Variants in TOR1AIP2 observed in about 807,000 individuals in gnomAD.
The protein encoded by TOR1AIP2 is torsin 1A interacting protein 2, also known as torsin-1A-interacting protein 2.
In TOR1AIP2, 20 loss-of-function variants were observed where a neutral mutation model predicts 32.6. The observed-to-expected ratio is 0.61, with a 90% CI of 0.43 to 0.89. TOR1AIP2 has a LOEUF of 0.89. TOR1AIP2 is among the 40% of genes least tolerant of loss of function. The probability of loss-of-function intolerance (pLI) is 0.00; values close to 1 mark genes in which losing one functional copy is unlikely to be tolerated. For synonymous variants in TOR1AIP2, 214 were observed against 210.8 expected (o/e 1.02, Z -0.13); for missense variants, 456 against 553.8 (o/e 0.82, Z 1.77).
intron 3 of TOR1AIP2, chr1:179,862,171 T>C (rs1005737213): frequency 8.1e-6 from 8 of 984,436 alleles, no homozygotes; most frequent in Non-Finnish European, 9.6e-6. Context: ...ATCTTACTAT[T>C]TAATGGAGAT....
In TOR1AIP2 at chr1:179,846,744, G is replaced by A; in HGVS notation, c.740C>T (p.Pro247Leu). ...SYYSSPAQQV[P>L]KNPALEAFLA... ...AAAGGCCTCCAAAGCTGGATTTTTG[G>A]GCACTTGCTGGGCTGGAGAGGAATA... Residue 247 changes from proline to leucine, a missense_variant, in exon 7 of 7, where the codon CCC becomes CTC. Physicochemically the swap from Pro to Leu is moderately conservative, Grantham distance 98 (BLOSUM62 -3). Transcript: ENST00000609928. 6.2e-7 allele frequency: 1 copy of A among 1,613,848 alleles called. No homozygotes were observed. Among genetic ancestry groups the A allele is most frequent in the Non-Finnish European group, 8.5e-7 (1 of 1,180,020 alleles).
At chr1:179,857,880 T>C (rs914607079) in intron 3 of TOR1AIP2, among the ~76,000 whole-genome samples, 9 of 152,282 alleles carry the variant, frequency 5.9e-5, no homozygotes, top group South Asian at 2.1e-4. Flanking sequence ...GATCACTTTA[T>C]GTATTAACTC....
intron 3 of TOR1AIP2, chr1:179,864,753 G>C: frequency 8.4e-6 from 13 of 1,550,464 alleles, no homozygotes; most frequent in Non-Finnish European, 1.1e-5. Flanking sequence ...AAAGCCTCTA[G>C]ACTTGACAAT....
intron 6 of TOR1AIP2, among the ~76,000 whole-genome samples, chr1:179,847,303 C>T (rs1387776256): frequency 6.6e-6 from 1 of 152,094 alleles, no homozygotes; most frequent in Non-Finnish European, 1.5e-5. Context: ...AAAGCCTTTC[C>T]TATTGTGAGA....
At chr1:179,858,189 A>G (rs1028189978) in intron 3 of TOR1AIP2, among the ~76,000 whole-genome samples, 16 of 152,150 alleles carry the variant, frequency 1.1e-4, no homozygotes, top group Non-Finnish European at 1.9e-4. Flanking sequence ...ATACATATAT[A>G]TGTTTGTGTA....
intron 2 of TOR1AIP2, chr1:179,874,996 CTT>C (rs1327584618): frequency 5.8e-5 from 9 of 154,696 alleles, no homozygotes; most frequent in Non-Finnish European, 1.1e-4. Flanking sequence ...CCTTGGTTTT[CTT>C]TGTTTTTTGT....
intron 3 of TOR1AIP2, among the ~76,000 whole-genome samples, chr1:179,858,859 G>T (rs1696406481): frequency 6.6e-6 from 1 of 152,266 alleles, no homozygotes; most frequent in East Asian, 1.9e-4. Flanking sequence ...GGTGACCTGG[G>T]GAAAACCTGG....
intron 3 of TOR1AIP2, chr1:179,864,670 T>C (rs1316555347): frequency 6.7e-7 from 1 of 1,490,684 alleles, no homozygotes; most frequent in Non-Finnish European, 8.9e-7. Context: ...TTTAAGCAGT[T>C]CCCAAAGTAG....
chr1:179,858,459 T>C (rs1272064777), intron 3 of TOR1AIP2, among the ~76,000 whole-genome samples: 1 of 152,120 alleles, frequency 6.6e-6, no homozygotes, highest in Non-Finnish European at 1.5e-5. Context: ...CTGAGGTAAA[T>C]GGGATAAAAT....
intron 2 of TOR1AIP2, among the ~76,000 whole-genome samples, chr1:179,870,682 T>G (rs1399920719): frequency 6.6e-6 from 1 of 152,170 alleles, no homozygotes; most frequent in East Asian, 1.9e-4. Context: ...AACAAAAAAC[T>G]AATGCTACTA....
At chr1:179,859,490 G>T (rs762269502) in intron 3 of TOR1AIP2, 4 of 985,226 alleles carry the variant, frequency 4.1e-6, no homozygotes, top group African/African-American at 1.7e-5. Context: ...TTACATCTAG[G>T]TTTGAATTGT....
At chr1:179,861,856 C>G (rs1696546318) in intron 3 of TOR1AIP2, 1 of 953,642 alleles carries the variant, frequency 1.0e-6, no homozygotes, top group Non-Finnish European at 1.2e-6. Flanking sequence ...CTATTTATAT[C>G]TTTTATGTTG....
chr1:179,855,379 A>G (rs781118844), intron 3 of TOR1AIP2, among the ~76,000 whole-genome samples: 6 of 152,268 alleles, frequency 3.9e-5, no homozygotes, highest in Non-Finnish European at 7.3e-5. Flanking sequence ...TCAGTAAAAG[A>G]CAAATAATGC....
At chr1:179,854,714 T>A (rs1291714045) in intron 3 of TOR1AIP2, among the ~76,000 whole-genome samples, 2 of 151,816 alleles carry the variant, frequency 1.3e-5, no homozygotes, top group African/African-American at 4.8e-5. Flanking sequence ...CTACTAAAAA[T>A]ACAAAAATTA....
chr1:179,850,708 A>T, intron 5 of TOR1AIP2, 137 bp downstream of exon 5: 1 of 1,027,730 alleles, frequency 9.7e-7, no homozygotes, highest in Non-Finnish European at 1.4e-6. Flanking sequence ...GCTTGGTGTG[A>T]GCTTGGGCAA....
intron 3 of TOR1AIP2, chr1:179,859,676 A>C (rs1696442055): frequency 1.0e-6 from 1 of 985,302 alleles, no homozygotes; most frequent in South Asian, 4.7e-5. Context: ...AAGATTATAA[A>C]ATGGGCCTAA....
chr1:179,854,640 C>T (rs761305345), intron 3 of TOR1AIP2, among the ~76,000 whole-genome samples: 4 of 152,102 alleles, frequency 2.6e-5, no homozygotes, highest in Admixed American at 1.3e-4. Flanking sequence ...GAGGCTGAGG[C>T]GGGCAGATCA....
Position 179,840,560 on chromosome 1 carries a change from G to A in TOR1AIP2, c.*5511C>T, listed in dbSNP as rs903376204. ...GGAAGGAAAGGTACTGAAGACTAAGGTATTTACCTTTTTGCAGATTAGGGG... is the reference window on the plus strand; with the variant it reads ...GGAAGGAAAGGTACTGAAGACTAAGATATTTACCTTTTTGCAGATTAGGGG... On this transcript the variant is annotated 3_prime_UTR_variant, in exon 7 of 7. Transcript: ENST00000609928. The A allele has an allele frequency of 1.3e-5, 2 of 152,134 alleles. No homozygotes were observed. The highest frequency in any genetic ancestry group is 4.8e-5 in the African/African-American group (2 of 41,406). 9.4% of individuals were successfully genotyped at this position (152,134 alleles called of 1,614,324 possible).
rs1054130097 is a variant in TOR1AIP2 at position 179,861,484 on chromosome 1, A to C, written c.-147+3952T>G. On this transcript the variant is annotated intron_variant, in intron 3 of 6. Transcript: ENST00000609928. ...ACAGGTATGTGATGTTTGAAGGCAAAGTAACCCTCTTAATATTAAAATTAA... is the reference window on the plus strand; with the variant it reads ...ACAGGTATGTGATGTTTGAAGGCAACGTAACCCTCTTAATATTAAAATTAA... The C allele has an allele frequency of 2.0e-5, 20 of 985,008 alleles. No homozygotes were observed. In the African/African-American group the frequency reaches 3.3e-4, roughly 16 times the overall value. 61.0% of individuals were successfully genotyped at this position (985,008 alleles called of 1,614,324 possible). A position where few individuals can be genotyped will look rare whatever the true frequency, so the allele number is the denominator to read the frequency against.
Sources: gnomAD v4.1 joint callset for allele counts (sites outside exome capture counted in the v4.1 genomes callset) on GRCh38, gnomAD v4.1.1 for gene constraint, MANE v1.5 for transcripts, NCBI Gene and HGNC (gene_info 2026-07-23, HGNC 2026-07-21) for gene names.